SLCO2A1: variants seen among roughly 807,000 people sequenced by gnomAD.
SLCO2A1 encodes the protein solute carrier organic anion transporter family member 2A1.
Under a neutral mutation model 71.7 loss-of-function variants are expected in SLCO2A1, and 60 were observed. The ratio of observed to expected loss-of-function variants is 0.84; its 90% CI spans 0.68 to 1.04. SLCO2A1 has a LOEUF of 1.04. Ranked by LOEUF, SLCO2A1 falls within the 50% of genes least tolerant of loss-of-function variation. The pLI is 0.00. For synonymous variants in SLCO2A1, 308 were observed against 326.7 expected (o/e 0.94, Z 0.62); for missense variants, 745 against 813.4 (o/e 0.92, Z 1.02).
chr3:134,029,660 G>A (rs986369447), intron 1 of SLCO2A1, 47 bp downstream of exon 1: 16 of 1,477,886 alleles, frequency 1.1e-5, no homozygotes, highest in Non-Finnish European at 1.4e-5. Flanking sequence ...AGCCGAAGGT[G>A]CGCCAGGCGC....
At chr3:134,028,604 C>A (rs368161634) in intron 1 of SLCO2A1, among the ~76,000 whole-genome samples, 2 of 152,178 alleles carry the variant, frequency 1.3e-5, no homozygotes, top group Non-Finnish European at 2.9e-5. Flanking sequence ...TATAACCAGT[C>A]CACGGACACC....
chr3:134,015,916 A>G (rs1296383320), intron 1 of SLCO2A1, among the ~76,000 whole-genome samples: 1 of 152,178 alleles, frequency 6.6e-6, no homozygotes, highest in African/African-American at 2.4e-5. Flanking sequence ...TGGCAACTCA[A>G]TAAAGGATAG....
chr3:133,980,401 C>T (rs1170532142), intron 1 of SLCO2A1, among the ~76,000 whole-genome samples: 1 of 152,220 alleles, frequency 6.6e-6, no homozygotes, highest in Non-Finnish European at 1.5e-5. Context: ...TGGATGGGAA[C>T]AGATAACACA....
intron 3 of SLCO2A1, among the ~76,000 whole-genome samples, chr3:133,971,406 G>C (rs1340282935): frequency 6.6e-6 from 1 of 152,246 alleles, no homozygotes; most frequent in East Asian, 1.9e-4. Context: ...GCCCCACAGA[G>C]TCCATACATT....
At chr3:134,028,522 G>T (rs1423209658) in intron 1 of SLCO2A1, among the ~76,000 whole-genome samples, 1 of 152,238 alleles carries the variant, frequency 6.6e-6, no homozygotes, top group African/African-American at 2.4e-5. Context: ...AGAAGCAGGA[G>T]TGGAGATCCC....
intron 1 of SLCO2A1, 120 bp downstream of exon 1, chr3:134,029,587 G>A (rs1027958571): frequency 2.9e-6 from 2 of 689,766 alleles, no homozygotes; most frequent in East Asian, 3.1e-5. Context: ...ATCGGAGCGC[G>A]GCACAGGAGG....
intron 1 of SLCO2A1, among the ~76,000 whole-genome samples, chr3:134,004,388 G>GC (rs1425525011): frequency 6.6e-6 from 1 of 152,194 alleles, no homozygotes; most frequent in East Asian, 1.9e-4. Context: ...AGGCTGGAGT[G>GC]CAATGGCATG....
At chr3:133,971,605 G>A (rs1934328383) in intron 3 of SLCO2A1, among the ~76,000 whole-genome samples, 1 of 152,072 alleles carries the variant, frequency 6.6e-6, no homozygotes, top group Admixed American at 6.5e-5. Flanking sequence ...ATTCTAAGTG[G>A]TTCATCTCTC....
At chr3:133,995,909 C>T (rs934583043) in intron 1 of SLCO2A1, among the ~76,000 whole-genome samples, 2 of 152,014 alleles carry the variant, frequency 1.3e-5, no homozygotes, top group African/African-American at 4.8e-5. Flanking sequence ...CCATTTATCT[C>T]CCCCCAAATT....
Position 133,940,586 on chromosome 3 carries a change from A to G in SLCO2A1, c.1625+2019T>C, listed in dbSNP as rs543969721. ...TCCTACTCTGTGCCCTCTCCTCATC[A>G]TGGCCTCATGTAGTTTTATGTCAGG... On this transcript the variant is annotated intron_variant, in intron 11 of 13. Transcript: ENST00000310926. Among the ~76,000 whole-genome samples the G allele has an allele frequency of 9.9e-5, 15 of 152,190 alleles. No individual in the cohort carries two copies. In the East Asian group the frequency reaches 2.7e-3, roughly 27 times the overall value.
intron 1 of SLCO2A1, among the ~76,000 whole-genome samples, chr3:133,984,325 T>C (rs1288762086): frequency 2.0e-5 from 3 of 152,078 alleles, no homozygotes; most frequent in Admixed American, 6.6e-5. Context: ...ACAGAGCCAA[T>C]CTCGCCACCA....
chr3:134,010,131 C>T (rs1935302743), intron 1 of SLCO2A1, among the ~76,000 whole-genome samples: 1 of 152,194 alleles, frequency 6.6e-6, no homozygotes. Context: ...CTATGTTTTA[C>T]CACATGTGTG....
chr3:133,957,173 C>G (rs1404533944), intron 3 of SLCO2A1, among the ~76,000 whole-genome samples: 1 of 152,184 alleles, frequency 6.6e-6, no homozygotes, highest in Non-Finnish European at 1.5e-5. Flanking sequence ...CGTCACCGAT[C>G]TTGCTCACTT....
At position 133,935,937 on chromosome 3, in the gene SLCO2A1, C is replaced by T. The variant is rs764746313; in HGVS notation, c.1691-40G>A. The stretch of plus-strand genomic sequence containing the variant: ...AGAAAGCCCTGGTCAGGTGGAACTG[C>T]AGGCAGAGGTGTCCAGCAGGGGTGT... On this transcript the variant is annotated intron_variant, in intron 12 of 13. Transcript: ENST00000310926. The T allele has an allele frequency of 2.6e-6, 4 of 1,519,822 alleles. No homozygotes were observed. In the East Asian group the frequency reaches 7.0e-5, roughly 27 times the overall value. 94.1% of individuals were successfully genotyped at this position (1,519,822 alleles called of 1,614,324 possible).
rs1287180346 is a variant in SLCO2A1 at position 133,948,692 on chromosome 3, A to G, written c.949T>C (p.Cys317Arg). 1.9e-6 allele frequency: 3 copies of G among 1,613,746 alleles called. No homozygotes were observed. In the African/African-American group the frequency reaches 4.0e-5, roughly 22 times the overall value. Residue 317 changes from cysteine to arginine, a missense_variant, in exon 8 of 14, where the codon TGC becomes CGC. Transcript: ENST00000310926. ...SLVDFIKRFP[C>R]IFLRLLMNSL... ...TTCATCAGGAGCCTCAGAAAGATGC[A>G]TGGAAACCCTGTGAACAGACCGCTG...
At chr3:133,969,808 G>T (rs1934283480) in intron 3 of SLCO2A1, among the ~76,000 whole-genome samples, 1 of 152,186 alleles carries the variant, frequency 6.6e-6, no homozygotes, top group Non-Finnish European at 1.5e-5. Flanking sequence ...AAGTGACTGA[G>T]CTAGGATTCA....
At chr3:133,959,979 G>T (rs1187748829) in intron 3 of SLCO2A1, among the ~76,000 whole-genome samples, 1 of 152,112 alleles carries the variant, frequency 6.6e-6, no homozygotes, top group Non-Finnish European at 1.5e-5. Flanking sequence ...AATTAGGTGG[G>T]CATGGTGGCT....
At chr3:133,972,829 T>C (rs1934357157) in intron 3 of SLCO2A1, among the ~76,000 whole-genome samples, 5 of 152,180 alleles carry the variant, frequency 3.3e-5, no homozygotes, top group Admixed American at 3.3e-4. Context: ...TTAGAGATTT[T>C]CTTACTCATA....
intron 1 of SLCO2A1, among the ~76,000 whole-genome samples, chr3:134,027,853 T>A (rs1003784762): frequency 6.6e-6 from 1 of 152,236 alleles, no homozygotes; most frequent in Non-Finnish European, 1.5e-5. Context: ...CGTACCTGGT[T>A]TCAGGCTGAT....
Sources: allele counts gnomAD v4.1 joint callset (sites outside exome capture counted in the v4.1 genomes callset), GRCh38; gene constraint gnomAD v4.1.1; transcripts MANE v1.5; gene names NCBI Gene and HGNC (gene_info 2026-07-23, HGNC 2026-07-21).